Variants in CDKL1 observed in about 807,000 individuals in gnomAD.
The protein encoded by CDKL1 is cyclin-dependent kinase-like 1.
Under a neutral mutation model 42.0 loss-of-function variants are expected in CDKL1, and 41 were observed. The ratio of observed to expected loss-of-function variants is 0.98; its 90% CI spans 0.76 to 1.27. The LOEUF (loss-of-function observed/expected upper bound fraction) is 1.27, where lower values mean the gene tolerates loss of function less well. Among genes scored for constraint, CDKL1 ranks in the 50% most tolerant of loss-of-function variants. The probability of loss-of-function intolerance (pLI) is 0.00; values close to 1 mark genes in which losing one functional copy is unlikely to be tolerated. For synonymous variants in CDKL1, 153 were observed against 158.6 expected, an observed-to-expected ratio of 0.96 and a Z score of 0.26; for missense variants, 394 against 428.4, an observed-to-expected ratio of 0.92 and a Z score of 0.71.
At chr14:50,375,226 T>C (rs1877894208) in intron 2 of CDKL1, among the ~76,000 whole-genome samples, 3 of 152,180 alleles carry the variant, frequency 2.0e-5, no homozygotes, top group African/African-American at 7.2e-5. Flanking sequence ...AAACCCTACA[T>C]TGATGGAAGT....
chr14:50,342,485 A>C, intron 4 of CDKL1: 1 of 1,144,274 alleles, frequency 8.7e-7, no homozygotes, highest in Non-Finnish European at 1.1e-6. Flanking sequence ...GCAGAGAAAA[A>C]TACAGGACAC....
chr14:50,382,178 C>A (rs117329221), intron 2 of CDKL1, among the ~76,000 whole-genome samples: 17 of 152,322 alleles, frequency 1.1e-4, no homozygotes, highest in Non-Finnish European at 1.9e-4. Context: ...CAAGGCCGGG[C>A]GCGGTGGCTG....
intron 3 of CDKL1, among the ~76,000 whole-genome samples, chr14:50,354,463 A>G (rs918071131): frequency 9.2e-5 from 14 of 152,372 alleles, no homozygotes; most frequent in African/African-American, 3.4e-4. Context: ...GAAAGAATCA[A>G]TGAAGTCTTA....
At chr14:50,382,665 C>G (rs989880999) in intron 2 of CDKL1, among the ~76,000 whole-genome samples, 1 of 148,954 alleles carries the variant, frequency 6.7e-6, no homozygotes, top group African/African-American at 2.5e-5. Flanking sequence ...CTCAATCACA[C>G]TCACTGCAGC....
chr14:50,332,446 A>G lies in CDKL1; in HGVS notation c.796-14T>C, dbSNP rs749638099. On this transcript the variant is annotated splice_polypyrimidine_tract_variant and intron_variant, in intron 8 of 9. Coordinates refer to ENST00000395834, the MANE Select transcript of CDKL1 (RefSeq NM_004196.7). ...GTGGAGACAGCCCTAAAAGAACAGA[A>G]AATTCCTTCTTCTTACTTCTTCAAA... is the stretch of plus-strand genomic sequence containing the variant. The G allele has an allele frequency of 6.3e-7, 1 of 1,583,142 alleles. No homozygotes were observed. The highest frequency in any genetic ancestry group is 1.4e-5 in the African/African-American group (1 of 72,788).
chr14:50,384,786 C>T (rs895719817), intron 2 of CDKL1, among the ~76,000 whole-genome samples: 2 of 151,340 alleles, frequency 1.3e-5, no homozygotes, highest in Non-Finnish European at 2.9e-5. Context: ...TTGGTTGATG[C>T]CGGCTATGGC....
intron 2 of CDKL1, among the ~76,000 whole-genome samples, chr14:50,361,473 A>G (rs539376230): frequency 6.6e-6 from 1 of 152,272 alleles, no homozygotes; most frequent in South Asian, 2.1e-4. Context: ...TTTTTTTCTT[A>G]CAGTTCCGCA....
chr14:50,368,609 G>C (rs1048894357), intron 2 of CDKL1, among the ~76,000 whole-genome samples: 2 of 151,974 alleles, frequency 1.3e-5, no homozygotes, highest in Non-Finnish European at 2.9e-5. Flanking sequence ...ATGTTGCCAA[G>C]TCAAGTATTT....
intron 3 of CDKL1, among the ~76,000 whole-genome samples, chr14:50,350,109 C>T (rs1172885697): frequency 2.0e-5 from 3 of 152,108 alleles, no homozygotes; most frequent in African/African-American, 2.4e-5. Flanking sequence ...GGGGGTCTTG[C>T]TGTGTTGCCC....
In CDKL1 at chr14:50,361,962, C is replaced by T. The variant is rs377512870; in HGVS notation, c.169-2813G>A. On this transcript the variant is annotated intron_variant, in intron 2 of 9. Coordinates refer to ENST00000395834, the MANE Select transcript of CDKL1 (RefSeq NM_004196.7). ...TTGCAGGGAGGTGTGGAGGGAGAGG[C>T]GCAGGCGGGAACCGGCGAGTTCCGG... is the stretch of plus-strand genomic sequence containing the variant. 6.1e-4 allele frequency among the ~76,000 whole-genome samples: 93 copies of T among 152,342 alleles called. 1 individual carries two copies. The East Asian group carries it at 0.012, about 19-fold the overall frequency.
chr14:50,354,165 G>A (rs941486673), intron 3 of CDKL1, among the ~76,000 whole-genome samples: 1 of 152,054 alleles, frequency 6.6e-6, no homozygotes, highest in African/African-American at 2.4e-5. Flanking sequence ...ATGTTGGCCA[G>A]GCTGGTCTTG....
rs561091623 is a variant in CDKL1, at chr14:50,345,097, T to C, written c.291-39A>G. ...AGCAGCACAAACACATTCTTTAGTG[T>C]AGCCATGGAATTCAGCTCAAGAAAA... On this transcript the variant is annotated intron_variant, in intron 3 of 9. Transcript: ENST00000395834. 1.0e-5 allele frequency: 16 copies of C among 1,582,646 alleles called. No homozygotes were observed. The African/African-American group carries it at 2.2e-4, about 21-fold the overall frequency.
Position 50,341,139 on chromosome 14 carries a change from A to AC in CDKL1, c.547dup (p.Val183GlyfsTer12). ...GACACAGCCAATTGCCCAAACATCCACCGGGGGGCCGTACTGCGTGTCCCC... is the reference window on the plus strand; with the variant it reads ...GACACAGCCAATTGCCCAAACATCCACCCGGGGGGCCGTACTGCGTGTCCCC... On this transcript the variant is annotated frameshift_variant, in exon 6 of 10. Transcript: ENST00000395834. LOFTEE classifies it high-confidence loss of function. 1 of 1,614,134 alleles carries AC rather than the reference A, an allele frequency of 6.2e-7. No homozygotes were observed. Among genetic ancestry groups the AC allele is most frequent in the Non-Finnish European group, 8.5e-7 (1 of 1,180,016 alleles).
At chr14:50,358,000 G>C (rs752977042) in intron 3 of CDKL1, 1 of 1,308,188 alleles carries the variant, frequency 7.6e-7, no homozygotes, top group South Asian at 1.2e-5. Context: ...GGAGTGGGTG[G>C]GAGCTGGAAT....
At chr14:50,378,925 C>T (rs1309895440) in intron 2 of CDKL1, among the ~76,000 whole-genome samples, 1 of 151,260 alleles carries the variant, frequency 6.6e-6, no homozygotes, top group Non-Finnish European at 1.5e-5. Context: ...GATCTTGGCT[C>T]ACTGCAACCT....
chr14:50,364,985 T>C (rs777030805), intron 2 of CDKL1, among the ~76,000 whole-genome samples: 6 of 152,206 alleles, frequency 3.9e-5, no homozygotes, highest in Admixed American at 1.3e-4. Flanking sequence ...ATAAATGTTA[T>C]AAAAATGAGG....
At chr14:50,371,434 G>T (rs1268555286) in intron 2 of CDKL1, among the ~76,000 whole-genome samples, 1 of 152,194 alleles carries the variant, frequency 6.6e-6, no homozygotes, top group Non-Finnish European at 1.5e-5. Flanking sequence ...GGTGTGTGAT[G>T]ATATATCATT....
chr14:50,389,586 T>A (rs2035192559), intron 2 of CDKL1, among the ~76,000 whole-genome samples: 1 of 152,184 alleles, frequency 6.6e-6, no homozygotes, highest in Non-Finnish European at 1.5e-5. Flanking sequence ...AATTTTCAAA[T>A]GGACATTTCC....
intron 2 of CDKL1, chr14:50,378,444 G>T: frequency 7.3e-7 from 1 of 1,365,632 alleles, no homozygotes; most frequent in South Asian, 1.1e-5. Flanking sequence ...TGGAAAAGGG[G>T]AAATTCATTA....
Sources: gnomAD v4.1 joint callset for allele counts (sites outside exome capture counted in the v4.1 genomes callset) on GRCh38, gnomAD v4.1.1 for gene constraint, MANE v1.5 for transcripts, NCBI Gene and HGNC (gene_info 2026-07-23, HGNC 2026-07-21) for gene names.